Variants in KIAA0319L observed in about 807,000 individuals in gnomAD.
The protein encoded by KIAA0319L is KIAA0319 like.
In KIAA0319L, 55 loss-of-function variants were observed where a neutral mutation model predicts 120.1. That is an observed-to-expected ratio of 0.46 (90% CI 0.37 to 0.57). The LOEUF is 0.57. Among genes scored for constraint, KIAA0319L ranks in the 20% least tolerant of loss-of-function variants. The pLI is 0.00. For synonymous variants in KIAA0319L, 398 were observed against 471.9 expected (o/e 0.84, Z 2.03); for missense variants, 1,049 against 1,255.3 (o/e 0.84, Z 2.48).
At chr1:35,517,339 A>T (rs1350938896) in intron 2 of KIAA0319L, among the ~76,000 whole-genome samples, 2 of 152,160 alleles carry the variant, frequency 1.3e-5, no homozygotes, top group Non-Finnish European at 2.9e-5. Context: ...CAACCAAAAC[A>T]GCATGGTAAT....
intron 2 of KIAA0319L, among the ~76,000 whole-genome samples, chr1:35,516,856 G>C (rs1473764775): frequency 2.0e-5 from 3 of 152,102 alleles, no homozygotes; most frequent in Non-Finnish European, 4.4e-5. Flanking sequence ...CTTCAGCAAA[G>C]TTTCAGGAGA....
intron 3 of KIAA0319L, among the ~76,000 whole-genome samples, chr1:35,479,947 CAAAAAA>C (rs71062878): frequency 9.9e-4 from 32 of 32,314 alleles, no homozygotes; most frequent in Non-Finnish European, 1.2e-3. Context: ...TATGATGAGC[CAAAAAA>C]AAAAAAAAAA....
chr1:35,489,140 G>A (rs1644497389), intron 3 of KIAA0319L, among the ~76,000 whole-genome samples: 2 of 152,042 alleles, frequency 1.3e-5, no homozygotes, highest in South Asian at 2.1e-4. Context: ...TATCAGAGAA[G>A]GCTTCAAAAA....
chr1:35,530,161 G>T (rs1476066185), intron 2 of KIAA0319L, among the ~76,000 whole-genome samples: 2 of 150,980 alleles, frequency 1.3e-5, no homozygotes, highest in Non-Finnish European at 2.9e-5. Context: ...TCAGCCTCCT[G>T]CGTAGCTGCG....
At chr1:35,446,834 G>A (rs1419966580) in intron 16 of KIAA0319L, among the ~76,000 whole-genome samples, 1 of 152,152 alleles carries the variant, frequency 6.6e-6, no homozygotes, top group African/African-American at 2.4e-5. Context: ...GCTCCTGCCT[G>A]TATGCAGTAA....
At chr1:35,468,268 G>A (rs978770304) in intron 6 of KIAA0319L, among the ~76,000 whole-genome samples, 1 of 151,206 alleles carries the variant, frequency 6.6e-6, no homozygotes, top group Non-Finnish European at 1.5e-5. Context: ...TTACTTCTGT[G>A]CTCACACTTC....
intron 9 of KIAA0319L, among the ~76,000 whole-genome samples, chr1:35,457,318 G>C (rs958096993): frequency 1.3e-5 from 2 of 152,078 alleles, no homozygotes; most frequent in Admixed American, 6.5e-5. Flanking sequence ...GTCTGCAGCA[G>C]GCTGTTTTCC....
At chr1:35,535,659 A>T (rs989917578) in intron 2 of KIAA0319L, among the ~76,000 whole-genome samples, 2 of 152,198 alleles carry the variant, frequency 1.3e-5, no homozygotes, top group Non-Finnish European at 2.9e-5. Context: ...AGCTCAGTAT[A>T]TATTAGTTGC....
intron 3 of KIAA0319L, among the ~76,000 whole-genome samples, chr1:35,499,746 A>T (rs1644937255): frequency 6.6e-6 from 1 of 151,988 alleles, no homozygotes; most frequent in Admixed American, 6.6e-5. Flanking sequence ...CCAAGAACTA[A>T]CACAACAAAA....
At chr1:35,529,007 AGTTTCTTGTAGGCAGCATATAGTT>A (rs1416610478) in intron 2 of KIAA0319L, among the ~76,000 whole-genome samples, 1 of 152,012 alleles carries the variant, frequency 6.6e-6, no homozygotes, top group Non-Finnish European at 1.5e-5. Flanking sequence ...AAGTAAAGTG[AGTTTCTTGTAGGCAGCATATAGTT>A]GGGTCAAGTT....
At chr1:35,527,507 T>A (rs1033382962) in intron 2 of KIAA0319L, among the ~76,000 whole-genome samples, 6 of 152,176 alleles carry the variant, frequency 3.9e-5, no homozygotes, top group African/African-American at 1.4e-4. Flanking sequence ...TCCGGTAGAA[T>A]TTGACAGTAA....
chr1:35,484,163 T>A (rs1337618042), intron 3 of KIAA0319L, among the ~76,000 whole-genome samples: 1 of 152,220 alleles, frequency 6.6e-6, no homozygotes, highest in African/African-American at 2.4e-5. Context: ...GGGGAGGACA[T>A]CATTACTTAT....
intron 4 of KIAA0319L, 107 bp from the exon 5 acceptor site, chr1:35,475,013 C>A: frequency 3.1e-6 from 2 of 642,314 alleles, no homozygotes; most frequent in South Asian, 3.7e-5. Context: ...TCAGCTACTG[C>A]CATCAATTAC....
chr1:35,507,135 T>C lies in KIAA0319L; in HGVS notation c.143A>G (p.Asp48Gly). The C allele has an allele frequency of 6.6e-7, 1 of 1,516,140 alleles. No homozygotes were observed. Among genetic ancestry groups the C allele is most frequent in the Non-Finnish European group, 8.8e-7 (1 of 1,133,866 alleles). The allele number at this position is 1,516,140 out of a possible 1,614,324, so 93.9% of individuals were successfully genotyped here. Reference sequence around the variant, plus strand: ...CTGCTGGCACCTGCTCTCACTGGCATCTAAAAACAAAGAATGAAAACATTT... The same window carrying C: ...CTGCTGGCACCTGCTCTCACTGGCACCTAAAAACAAAGAATGAAAACATTT... ...FCFSVLWLST[D>G]ASESRCQQGK... is the part of the protein sequence containing the mutation. Residue 48 changes from aspartate (D) to glycine (G), a missense_variant and splice_region_variant, in exon 3 of 21, where the codon GAT becomes GGT. Asp to Gly is a moderately conservative substitution (Grantham distance 94, BLOSUM62 -1). Transcript: ENST00000325722.
intron 3 of KIAA0319L, among the ~76,000 whole-genome samples, chr1:35,492,450 G>GTGCA (rs1179780057): frequency 6.6e-6 from 1 of 152,006 alleles, no homozygotes. Context: ...GGAGGTGGAG[G>GTGCA]TTGCAGTGAG....
intron 3 of KIAA0319L, among the ~76,000 whole-genome samples, chr1:35,499,274 AC>A (rs147086177): frequency 0.049 from 7,477 of 152,142 alleles, 411 homozygotes; most frequent in African/African-American, 0.13. Flanking sequence ...AATCTAGCTA[AC>A]CCCCAAAGTG....
chr1:35,496,665 T>C (rs773893157), intron 3 of KIAA0319L, among the ~76,000 whole-genome samples: 59 of 152,212 alleles, frequency 3.9e-4, no homozygotes, highest in Middle Eastern at 3.4e-3. Flanking sequence ...TACTAGGTGC[T>C]GGGTACAGTG....
intron 2 of KIAA0319L, among the ~76,000 whole-genome samples, chr1:35,509,416 T>C (rs932366784): frequency 1.3e-5 from 2 of 152,224 alleles, no homozygotes; most frequent in Non-Finnish European, 2.9e-5. Context: ...ATTCGTAATT[T>C]TAAATGCTTA....
At chr1:35,507,238 G>A in intron 2 of KIAA0319L, 103 bp from the exon 3 acceptor site, 2 of 1,177,358 alleles carry the variant, frequency 1.7e-6, no homozygotes, top group South Asian at 3.6e-5. Flanking sequence ...TTGAAGACGA[G>A]TTTTTAAGAG....
Sources: allele counts gnomAD v4.1 joint callset (sites outside exome capture counted in the v4.1 genomes callset), GRCh38; gene constraint gnomAD v4.1.1; transcripts MANE v1.5; gene names NCBI Gene and HGNC (gene_info 2026-07-23, HGNC 2026-07-21).